PHF24: variants seen among roughly 807,000 people sequenced by gnomAD.
PHF24 encodes the protein Galpha inhibitory interacting protein.
PHF24 carries 25 observed loss-of-function variants against 42.6 expected under a neutral mutation model. The observed-to-expected ratio is 0.59, with a 90% confidence interval of 0.43 to 0.82. The LOEUF is 0.82. Ranked by LOEUF, PHF24 falls within the 40% of genes least tolerant of loss-of-function variation. PHF24 has a pLI of 0.00. For synonymous variants in PHF24, 185 were observed against 204.8 expected (o/e 0.90, Z 0.83); for missense variants, 470 against 538.1 (o/e 0.87, Z 1.25).
chr9:34,761,705 T>C, the PHF24 span, among the ~76,000 whole-genome samples: 1 of 152,144 alleles, frequency 6.6e-6, no homozygotes, highest in African/African-American at 2.4e-5. Flanking sequence ...TAAATTTTAT[T>C]ATTATTATAC....
the PHF24 span, among the ~76,000 whole-genome samples, chr9:34,836,692 C>T: frequency 5.3e-5 from 8 of 152,306 alleles, no homozygotes; most frequent in Admixed American, 3.9e-4. Context: ...TCTTGGTCAG[C>T]TCAGTCTGCC....
the PHF24 span, among the ~76,000 whole-genome samples, chr9:34,821,370 T>G: frequency 2.6e-5 from 4 of 152,350 alleles, no homozygotes; most frequent in African/African-American, 9.6e-5. Flanking sequence ...TTCTTTATCT[T>G]TGTGATGATT....
At chr9:34,885,511 G>A in the PHF24 span, among the ~76,000 whole-genome samples, 2 of 152,054 alleles carry the variant, frequency 1.3e-5, no homozygotes, top group African/African-American at 2.4e-5. Context: ...GCTCCTCTGC[G>A]GTAGGTTGGA....
chr9:34,832,438 A>G, the PHF24 span: 1 of 1,430,106 alleles, frequency 7.0e-7, no homozygotes, highest in Non-Finnish European at 9.5e-7. Context: ...GGACCATCCA[A>G]GAAAGCTGGG....
At chr9:34,776,225 T>A in the PHF24 span, among the ~76,000 whole-genome samples, 1 of 152,242 alleles carries the variant, frequency 6.6e-6, no homozygotes, top group Admixed American at 6.5e-5. Context: ...ATATTTTAAC[T>A]GTACTCTTAA....
the PHF24 span, among the ~76,000 whole-genome samples, chr9:34,801,151 G>T: frequency 1.3e-5 from 2 of 152,306 alleles, no homozygotes; most frequent in South Asian, 4.1e-4. Context: ...TCATTAAAAA[G>T]TCAGGAAACA....
chr9:34,722,061 G>T, the PHF24 span, among the ~76,000 whole-genome samples: 3 of 152,106 alleles, frequency 2.0e-5, no homozygotes, highest in Non-Finnish European at 4.4e-5. Flanking sequence ...GTGTTATCCA[G>T]TTGCATGGTT....
At chr9:34,674,122 G>A in the PHF24 span, among the ~76,000 whole-genome samples, 20 of 152,308 alleles carry the variant, frequency 1.3e-4, no homozygotes, top group Middle Eastern at 3.4e-3. Flanking sequence ...GGTTTTTGCC[G>A]TTTGCAACCG....
the PHF24 span, chr9:34,681,379 G>T: frequency 2.1e-5 from 3 of 140,328 alleles, no homozygotes; most frequent in Non-Finnish European, 4.6e-5. Context: ...ACTGGAGGGG[G>T]AAAACATGTC....
the PHF24 span, among the ~76,000 whole-genome samples, chr9:34,896,097 T>C: frequency 1.3e-5 from 2 of 152,154 alleles, no homozygotes; most frequent in African/African-American, 2.4e-5. Context: ...TGACACCTAG[T>C]GTGCATATGA....
At chr9:34,950,722 G>T in the PHF24 span, among the ~76,000 whole-genome samples, 1 of 152,014 alleles carries the variant, frequency 6.6e-6, no homozygotes, top group Non-Finnish European at 1.5e-5. Context: ...AAAAAGAAAA[G>T]GAGAAAGATC....
the PHF24 span, among the ~76,000 whole-genome samples, chr9:34,705,565 G>A: frequency 1.3e-5 from 2 of 152,226 alleles, no homozygotes; most frequent in Non-Finnish European, 2.9e-5. Flanking sequence ...ACAGGCGTAA[G>A]CCACTGCGCC....
the PHF24 span, among the ~76,000 whole-genome samples, chr9:34,868,476 A>G: frequency 6.6e-6 from 1 of 152,108 alleles, no homozygotes; most frequent in East Asian, 1.9e-4. Flanking sequence ...CCTTTCAGAG[A>G]TTTCTTTTAT....
the PHF24 span, chr9:34,689,963 G>A: frequency 6.2e-7 from 1 of 1,614,126 alleles, no homozygotes. This position sits in a 1 kb window ranked among gnomAD's most constrained non-coding sequence, Gnocchi z 4.1. Flanking sequence ...TCTGGATGAT[G>A]CGTTCTACCC....
chr9:34,853,543 G>T, the PHF24 span, among the ~76,000 whole-genome samples: 1 of 152,118 alleles, frequency 6.6e-6, no homozygotes, highest in Admixed American at 6.5e-5. Context: ...AATGGCACCA[G>T]CTCGGCCGGG....
chr9:34,666,190 T>G, the PHF24 span: 348 of 166,952 alleles, frequency 2.1e-3, 4 homozygotes, highest in Non-Finnish European at 9.5e-4. Context: ...GTCGGTTGAT[T>G]AAGATGCGGG....
chr9:34,851,497 T>C, the PHF24 span, among the ~76,000 whole-genome samples: 19 of 152,202 alleles, frequency 1.2e-4, no homozygotes, highest in Admixed American at 8.5e-4. Context: ...TTCCAGGTGC[T>C]GTCTGTCACC....
chr9:34,826,271 T>C, the PHF24 span, among the ~76,000 whole-genome samples: 1 of 152,230 alleles, frequency 6.6e-6, no homozygotes, highest in African/African-American at 2.4e-5. Flanking sequence ...TTTACATGCC[T>C]GGATTGTGCT....
chr9:34,836,595 T>A, the PHF24 span, among the ~76,000 whole-genome samples: 1 of 152,274 alleles, frequency 6.6e-6, no homozygotes, highest in African/African-American at 2.4e-5. Flanking sequence ...CTTAAGAGGA[T>A]AAGATGATAG....
Sources: allele counts gnomAD v4.1 joint callset (sites outside exome capture counted in the v4.1 genomes callset), GRCh38; gene constraint gnomAD v4.1.1; non-coding constraint Gnocchi (gnomAD v3.1); transcripts MANE v1.5; gene names NCBI Gene and HGNC (gene_info 2026-07-23, HGNC 2026-07-21).